PDE3B: variants seen among roughly 807,000 people sequenced by gnomAD.
The protein encoded by PDE3B is phosphodiesterase 3B, also known as cGMP-inhibited 3',5'-cyclic phosphodiesterase 3B.
In PDE3B, 66 loss-of-function variants were observed where a neutral mutation model predicts 116.8. The ratio of observed to expected loss-of-function variants is 0.56; its 90% CI spans 0.46 to 0.69. The LOEUF (loss-of-function observed/expected upper bound fraction) is 0.69, where lower values mean the gene tolerates loss of function less well. Ranked by LOEUF, PDE3B falls within the 30% of genes least tolerant of loss-of-function variation. The probability of loss-of-function intolerance (pLI) is 0.00; values close to 1 mark genes in which losing one functional copy is unlikely to be tolerated. For synonymous variants in PDE3B, 595 were observed against 533.6 expected, an observed-to-expected ratio of 1.12 and a Z score of -1.59; for missense variants, 1,384 against 1,368.1, an observed-to-expected ratio of 1.01 and a Z score of -0.18.
At position 14,644,263 on chromosome 11, in the gene PDE3B, C is replaced by T. The variant is rs1323417866; in HGVS notation, c.188C>T (p.Pro63Leu). 3 of 1,568,392 alleles carry T rather than the reference C, an allele frequency of 1.9e-6. No homozygotes were observed. The highest frequency in any genetic ancestry group is 1.1e-5 in the South Asian group (1 of 87,026). The change falls in exon 1 of 16, where the codon CCG becomes CTG. Residue 63 changes from proline to leucine, a missense_variant. This residue lies in a region of PDE3B where 956 missense variants were observed against 806.8 expected (regional missense o/e 1.18). Transcript: ENST00000282096. ...TGCAACGTGGAGCTGCGGCCGCCGC[C>T]GGCCTCTCCCCAGCAGCCGCGGCGC... Reference protein sequence around the residue: ...RFCNVELRPPPASPQQPRRCS... With the variant: ...RFCNVELRPPLASPQQPRRCS...
the PDE3B span, chr11:14,891,831 C>T: frequency 7.0e-7 from 1 of 1,422,026 alleles, no homozygotes; most frequent in South Asian, 1.5e-5. Context: ...CTTCCAGACC[C>T]GGGAAGCGGG....
intron 2 of PDE3B, chr11:14,776,358 G>C (rs887815811): frequency 6.6e-6 from 1 of 152,204 alleles, no homozygotes; most frequent in African/African-American, 2.4e-5. Context: ...CCTGGCAAGG[G>C]GGATGTCCTC....
intron 12 of PDE3B, among the ~76,000 whole-genome samples, chr11:14,852,352 G>C (rs1318999383): frequency 6.6e-6 from 1 of 152,152 alleles, no homozygotes; most frequent in African/African-American, 2.4e-5. Context: ...TACCATGCCG[G>C]CCTACTCTAT....
chr11:14,654,485 A>T (rs548559377), intron 1 of PDE3B, among the ~76,000 whole-genome samples: 8 of 152,178 alleles, frequency 5.3e-5, no homozygotes, highest in Non-Finnish European at 1.2e-4. Flanking sequence ...AAGCTAAAAC[A>T]ATTTTAGAAA....
At chr11:14,882,449 T>TA in the PDE3B span, among the ~76,000 whole-genome samples, 2 of 152,006 alleles carry the variant, frequency 1.3e-5, no homozygotes, top group African/African-American at 4.8e-5. Context: ...AAACCAGCCC[T>TA]AGAGAAATAT....
intron 13 of PDE3B, among the ~76,000 whole-genome samples, chr11:14,860,028 G>A (rs1411406454): frequency 6.6e-6 from 1 of 152,126 alleles, no homozygotes; most frequent in South Asian, 2.1e-4. Flanking sequence ...TAACAAAGGA[G>A]TACTAGATTA....
chr11:14,869,098 G>T (rs1555008585), intron 15 of PDE3B, among the ~76,000 whole-genome samples: 1 of 152,032 alleles, frequency 6.6e-6, no homozygotes, highest in African/African-American at 2.4e-5. Context: ...TTAAAGGTTG[G>T]TTTTTAACTT....
downstream of PDE3B, among the ~76,000 whole-genome samples, chr11:14,874,520 C>A (rs995500833): frequency 7.9e-5 from 12 of 151,874 alleles, no homozygotes; most frequent in African/African-American, 2.7e-4. Flanking sequence ...ATCTTTGGAC[C>A]CCATTTCTTT....
chr11:14,837,615 G>A (rs961737321), intron 11 of PDE3B, among the ~76,000 whole-genome samples: 1 of 152,108 alleles, frequency 6.6e-6, no homozygotes, highest in African/African-American at 2.4e-5. Context: ...TCTATCTCCA[G>A]TCTGTTCTCA....
chr11:14,881,029 T>C, the PDE3B span, among the ~76,000 whole-genome samples: 1 of 152,092 alleles, frequency 6.6e-6, no homozygotes, highest in Non-Finnish European at 1.5e-5. Flanking sequence ...CTGTGTAATT[T>C]AACCTGGTGA....
intron 2 of PDE3B, chr11:14,773,158 C>T (rs953791508): frequency 2.0e-5 from 3 of 151,714 alleles, no homozygotes; most frequent in Non-Finnish European, 4.4e-5. Context: ...CTTTTTTTCT[C>T]TTAAGTTATG....
intron 2 of PDE3B, among the ~76,000 whole-genome samples, chr11:14,781,646 T>C (rs1179568787): frequency 6.6e-6 from 1 of 152,134 alleles, no homozygotes; most frequent in Non-Finnish European, 1.5e-5. Context: ...AATTAGGTAT[T>C]GATGGGATGT....
chr11:14,860,419 A>C (rs1268167026), intron 13 of PDE3B, among the ~76,000 whole-genome samples: 1 of 152,088 alleles, frequency 6.6e-6, no homozygotes, highest in Non-Finnish European at 1.5e-5. Flanking sequence ...AGCAACCATC[A>C]CACTGAAGTT....
intron 1 of PDE3B, among the ~76,000 whole-genome samples, chr11:14,731,281 CAG>C (rs1187764364): frequency 4.0e-5 from 5 of 125,202 alleles, no homozygotes; most frequent in African/African-American, 1.5e-4. Flanking sequence ...TTTTTTGAGA[CAG>C]AGTCTTGCTC....
chr11:14,681,420 C>T (rs1854703634), intron 1 of PDE3B, among the ~76,000 whole-genome samples: 1 of 152,146 alleles, frequency 6.6e-6, no homozygotes, highest in African/African-American at 2.4e-5. Context: ...GAATAAGTCT[C>T]ATGAGATCTG....
At chr11:14,649,300 T>G (rs776360745) in intron 1 of PDE3B, among the ~76,000 whole-genome samples, 2 of 152,170 alleles carry the variant, frequency 1.3e-5, no homozygotes, top group Non-Finnish European at 2.9e-5. Flanking sequence ...AAAAGCCTAT[T>G]TCAGTATAAA....
At chr11:14,739,447 T>C (rs939008481) in intron 1 of PDE3B, among the ~76,000 whole-genome samples, 1 of 152,246 alleles carries the variant, frequency 6.6e-6, no homozygotes, top group Admixed American at 6.5e-5. Context: ...TTTTGCACAC[T>C]GACTTTGTAT....
At chr11:14,740,440 G>A (rs1856735086) in intron 1 of PDE3B, among the ~76,000 whole-genome samples, 1 of 151,978 alleles carries the variant, frequency 6.6e-6, no homozygotes, top group African/African-American at 2.4e-5. Context: ...ATGGGATCAG[G>A]GGTGATATCC....
intron 1 of PDE3B, among the ~76,000 whole-genome samples, chr11:14,648,777 A>G (rs992374953): frequency 3.9e-5 from 6 of 152,090 alleles, no homozygotes; most frequent in Admixed American, 2.0e-4. Context: ...TTTAAAAAGC[A>G]TTTTATTACT....
Sources: gnomAD v4.1 joint callset for allele counts (sites outside exome capture counted in the v4.1 genomes callset) on GRCh38, gnomAD v4.1.1 for gene constraint, gnomAD v4.1.1 regional missense constraint, MANE v1.5 for transcripts, NCBI Gene and HGNC (gene_info 2026-07-23, HGNC 2026-07-21) for gene names.